DNAJC15: variants seen among roughly 807,000 people sequenced by gnomAD.
The protein encoded by DNAJC15 is dnaJ homolog subfamily C member 15.
Under a neutral mutation model 22.4 loss-of-function variants are expected in DNAJC15, and 27 were observed. The observed-to-expected ratio is 1.20, with a 90% CI of 0.89 to 1.66. The LOEUF is 1.66. Among genes scored for constraint, DNAJC15 ranks in the 40% most tolerant of loss-of-function variants. The pLI is 0.00. For missense variants in DNAJC15, 208 were observed against 187.1 expected (o/e 1.11, Z -0.65); for synonymous variants, 79 against 63.2 (o/e 1.25, Z -1.19).
chr13:43,092,919 A>C (rs559571914), intron 5 of DNAJC15, among the ~76,000 whole-genome samples: 1 of 152,334 alleles, frequency 6.6e-6, no homozygotes, highest in East Asian at 1.9e-4. Flanking sequence ...GTCTCAAAGA[A>C]AACAAAACTG....
At chr13:43,046,753 C>T (rs951461919) in intron 1 of DNAJC15, among the ~76,000 whole-genome samples, 2 of 152,142 alleles carry the variant, frequency 1.3e-5, no homozygotes, top group African/African-American at 2.4e-5. Flanking sequence ...GTGTTTGTTA[C>T]GGTTCGAGCT....
intron 1 of DNAJC15, among the ~76,000 whole-genome samples, chr13:43,063,198 C>T (rs549458377): frequency 1.1e-4 from 17 of 152,246 alleles, no homozygotes; most frequent in African/African-American, 3.6e-4. Flanking sequence ...TTAATAGAGA[C>T]GGGGTTTCAC....
At chr13:43,061,433 G>T (rs963861085) in intron 1 of DNAJC15, among the ~76,000 whole-genome samples, 2 of 152,198 alleles carry the variant, frequency 1.3e-5, no homozygotes, top group African/African-American at 2.4e-5. Flanking sequence ...TGTCCTGAGC[G>T]ATGGGATCTG....
intron 1 of DNAJC15, among the ~76,000 whole-genome samples, chr13:43,030,533 G>A (rs2040399675): frequency 6.6e-6 from 1 of 152,146 alleles, no homozygotes; most frequent in Non-Finnish European, 1.5e-5. Flanking sequence ...AAATTTAAAT[G>A]CCCAATTAAA....
rs2040823115 is a variant in DNAJC15 at position 43,111,194 on chromosome 13, C to T, written c.*3946C>T. 1 of 152,110 alleles carries T rather than the reference C, an allele frequency of 6.6e-6. No individual in the cohort carries two copies. The highest frequency in any genetic ancestry group is 2.1e-4 in the South Asian group (1 of 4,816). The allele number at this position is 152,110 out of a possible 1,614,324, so 9.4% of individuals were successfully genotyped here. On this transcript the variant is annotated 3_prime_UTR_variant, in exon 6 of 6. Transcript: ENST00000379221. ...TTGGGCTTGGAATACATTGTTTAGT[C>T]TTCAAAGCACTTTACTTTTTATGAA...
intron 5 of DNAJC15, among the ~76,000 whole-genome samples, chr13:43,100,624 C>T (rs1052586497): frequency 3.9e-5 from 6 of 152,106 alleles, no homozygotes; most frequent in Non-Finnish European, 8.8e-5. Context: ...CTATTATTGT[C>T]GGAGAATACA....
chr13:43,093,867 C>A (rs961814325), intron 5 of DNAJC15, among the ~76,000 whole-genome samples: 1 of 152,128 alleles, frequency 6.6e-6, no homozygotes, highest in African/African-American at 2.4e-5. Flanking sequence ...CATTGTTTTA[C>A]ATTTTTGCAC....
intron 5 of DNAJC15, among the ~76,000 whole-genome samples, chr13:43,096,957 G>T (rs541902049): frequency 6.6e-6 from 1 of 152,194 alleles, no homozygotes; most frequent in East Asian, 1.9e-4. Flanking sequence ...CCCTAGTGAG[G>T]CCATCCTGGA....
At chr13:43,038,356 A>T (rs987976384) in intron 1 of DNAJC15, among the ~76,000 whole-genome samples, 2 of 152,204 alleles carry the variant, frequency 1.3e-5, no homozygotes, top group East Asian at 1.9e-4. Flanking sequence ...TATACCTCTC[A>T]TGATTAACAG....
intron 4 of DNAJC15, among the ~76,000 whole-genome samples, chr13:43,085,377 G>A (rs1417343909): frequency 2.1e-5 from 3 of 141,756 alleles, no homozygotes; most frequent in South Asian, 2.3e-4. Flanking sequence ...GGGTGGGGGG[G>A]GAAAGTCCAG....
intron 5 of DNAJC15, among the ~76,000 whole-genome samples, chr13:43,090,521 G>A (rs1303095321): frequency 6.6e-6 from 1 of 151,948 alleles, no homozygotes; most frequent in East Asian, 1.9e-4. Flanking sequence ...CTTAGGCAAA[G>A]ATTTCCTATA....
chr13:43,024,034 A>G (rs781129487), intron 1 of DNAJC15, among the ~76,000 whole-genome samples: 4 of 152,232 alleles, frequency 2.6e-5, no homozygotes, highest in African/African-American at 9.6e-5. Flanking sequence ...GGATTTTCCT[A>G]TCTCATAGGA....
In DNAJC15 at chr13:43,112,436, A is replaced by G. The variant is rs1228108362; in HGVS notation, c.*5188A>G. 2.6e-5 allele frequency: 4 copies of G among 152,250 alleles called. No individual in the cohort carries two copies. The highest frequency in any genetic ancestry group is 5.9e-5 in the Non-Finnish European group (4 of 68,040). 9.4% of individuals were successfully genotyped at this position (152,250 alleles called of 1,614,324 possible). On this transcript the variant is annotated 3_prime_UTR_variant, in exon 6 of 6. Transcript: ENST00000379221. ...AGGCTAGATGTTGGCCATAAATTTC[A>G]AATTAGTATCTCAACTTAGCAGGGG... is the stretch of plus-strand genomic sequence containing the variant.
intron 3 of DNAJC15, among the ~76,000 whole-genome samples, chr13:43,073,917 A>T (rs1292465132): frequency 2.0e-5 from 3 of 150,458 alleles, no homozygotes; most frequent in Non-Finnish European, 4.4e-5. Flanking sequence ...CCAATGTCTA[A>T]TTACCCTTAA....
chr13:43,076,738 T>C (rs1290794802), intron 3 of DNAJC15, among the ~76,000 whole-genome samples: 1 of 152,252 alleles, frequency 6.6e-6, no homozygotes, highest in Non-Finnish European at 1.5e-5. Flanking sequence ...CTTTACTTGC[T>C]GTCTCCATTC....
intron 5 of DNAJC15, among the ~76,000 whole-genome samples, chr13:43,097,403 A>G (rs1298072982): frequency 2.0e-5 from 3 of 152,216 alleles, no homozygotes; most frequent in African/African-American, 2.4e-5. Flanking sequence ...TTGGAGAGGA[A>G]GCCCAAGGCT....
intron 1 of DNAJC15, among the ~76,000 whole-genome samples, chr13:43,063,615 T>C (rs1379364576): frequency 6.6e-6 from 1 of 152,110 alleles, no homozygotes; most frequent in Non-Finnish European, 1.5e-5. Flanking sequence ...GTGTGTGTTT[T>C]GTGAAATCAC....
Position 43,107,241 on chromosome 13 carries a change from A to G in DNAJC15, c.446A>G (p.Lys149Arg), listed in dbSNP as rs1239150796. 3 of 1,591,710 alleles carry G rather than the reference A, an allele frequency of 1.9e-6. No homozygotes were observed. The South Asian group carries it at 3.4e-5, about 18-fold the overall frequency. Residue 149 changes from lysine (K) to arginine (R), a missense_variant, in exon 6 of 6, where the codon AAA becomes AGA. Transcript: ENST00000379221. ...EAKDLLETTT[K>R]H Reference sequence around the variant, plus strand: ...AAAGACTTGCTAGAAACAACCACCAAACATTGATGCTTAAGGACCACACTG... The same window carrying G: ...AAAGACTTGCTAGAAACAACCACCAGACATTGATGCTTAAGGACCACACTG...
chr13:43,104,995 A>G (rs2040789402), intron 5 of DNAJC15, among the ~76,000 whole-genome samples: 1 of 151,602 alleles, frequency 6.6e-6, no homozygotes, highest in African/African-American at 2.4e-5. Flanking sequence ...AGCCAAGAGT[A>G]TTTTGTTTTC....
Sources: allele counts gnomAD v4.1 joint callset (sites outside exome capture counted in the v4.1 genomes callset), GRCh38; gene constraint gnomAD v4.1.1; transcripts MANE v1.5; gene names NCBI Gene and HGNC (gene_info 2026-07-23, HGNC 2026-07-21).